Variants in UXS1 observed in about 807,000 individuals in gnomAD.
UXS1 encodes the protein UDP-glucuronic acid decarboxylase 1.
UXS1 carries 33 observed loss-of-function variants against 62.6 expected under a neutral mutation model. That is an observed-to-expected ratio of 0.53 (90% confidence interval 0.40 to 0.70). UXS1 has a LOEUF of 0.70. UXS1 is among the 30% of genes least tolerant of loss of function. The pLI, the probability that UXS1 is intolerant of heterozygous loss-of-function variation, is 0.00. For synonymous variants in UXS1, 213 were observed against 206.8 expected, an observed-to-expected ratio of 1.03 and a Z score of -0.26; for missense variants, 434 against 556.3, an observed-to-expected ratio of 0.78 and a Z score of 2.21.
intron 1 of UXS1, among the ~76,000 whole-genome samples, chr2:106,168,426 A>G (rs755314755): frequency 2.8e-4 from 42 of 152,232 alleles, no homozygotes; most frequent in Non-Finnish European, 4.4e-4. Context: ...ATGGGCAATC[A>G]GCAGCCCTCA....
At chr2:106,131,074 C>T (rs905356613) in intron 6 of UXS1, among the ~76,000 whole-genome samples, 15 of 149,736 alleles carry the variant, frequency 1.0e-4, no homozygotes, top group African/African-American at 3.7e-4. Context: ...CGAAGCAGGG[C>T]GAGGCATTGC....
chr2:106,194,299 T>C lies in UXS1; in HGVS notation c.-58A>G, dbSNP rs1361016564. 1.9e-5 allele frequency: 18 copies of C among 964,040 alleles called. No individual in the cohort carries two copies. The highest frequency in any genetic ancestry group is 5.2e-5 in the Admixed American group (1 of 19,368). 59.7% of individuals were successfully genotyped at this position (964,040 alleles called of 1,614,324 possible). ...GCGCGGGGGCCCGCCTGCTGCACAA[T>C]GCGCGGCGGCGGCGGCGGCAGCGGC... On this transcript the variant is annotated 5_prime_UTR_variant, in exon 1 of 15. Coordinates refer to ENST00000283148, the MANE Select transcript of UXS1 (RefSeq NM_001253875.2).
chr2:106,138,318 G>A (rs1250312794), intron 6 of UXS1: 21 of 985,450 alleles, frequency 2.1e-5, no homozygotes, highest in South Asian at 4.7e-5. Context: ...ACAGCTCAGC[G>A]CTGCCTTGTC....
At chr2:106,158,193 G>A in intron 4 of UXS1, 75 bp from the exon 5 acceptor site, 1 of 1,293,866 alleles carries the variant, frequency 7.7e-7, no homozygotes, top group Non-Finnish European at 1.1e-6. Context: ...TACCATCAAA[G>A]CATGTGCCAG....
In UXS1 at chr2:106,163,654, A is replaced by G. The variant is rs1342534613; in HGVS notation, c.230+13T>C. The G allele has an allele frequency of 4.1e-6, 6 of 1,463,856 alleles. No individual in the cohort carries two copies. Among genetic ancestry groups the G allele is most frequent in the African/African-American group, 1.5e-5 (1 of 68,910 alleles). 90.7% of individuals were successfully genotyped at this position (1,463,856 alleles called of 1,614,324 possible). On this transcript the variant is annotated intron_variant, in intron 4 of 14. Transcript: ENST00000283148. ...ATTTTAACTATTGACTTTAAGACAA[A>G]AAGTACACATACCTTTTTTCTAAAT...
chr2:106,180,967 T>A (rs984528604), intron 1 of UXS1, among the ~76,000 whole-genome samples: 1 of 152,254 alleles, frequency 6.6e-6, no homozygotes. Flanking sequence ...GACAATATTT[T>A]ACCTCAAACG....
In UXS1 at chr2:106,166,075, C is replaced by G; in HGVS notation, c.103G>C (p.Gly35Arg). 6.2e-7 allele frequency: 1 copy of G among 1,610,522 alleles called. No individual in the cohort carries two copies. The change falls in exon 2 of 15, where the codon GGC becomes CGC. Residue 35 changes from glycine to arginine, a missense_variant. By Grantham distance (125) the Gly-to-Arg change is moderately radical. This residue lies in a region of UXS1 where 91 missense variants were observed against 71.1 expected (regional missense o/e 1.28). Transcript: ENST00000283148. Reference protein sequence around the residue: ...ALLAYVASVWGNFVNMSFLLN... With the variant: ...ALLAYVASVWRNFVNMSFLLN... ...AATTACCTCATATTAACGAAGTTGC[C>G]CCAAACAGCTGTAAGAGAAAGAAAA... is the stretch of plus-strand genomic sequence containing the variant.
At chr2:106,151,908 T>C (rs759734715) in intron 5 of UXS1, among the ~76,000 whole-genome samples, 24 of 152,138 alleles carry the variant, frequency 1.6e-4, no homozygotes, top group Non-Finnish European at 3.1e-4. Context: ...TTATATGGGG[T>C]AACAGTCTAA....
At chr2:106,191,173 CAA>C (rs1227245472) in intron 1 of UXS1, among the ~76,000 whole-genome samples, 2 of 152,058 alleles carry the variant, frequency 1.3e-5, no homozygotes, top group Non-Finnish European at 2.9e-5. Context: ...GAGTAGGTAA[CAA>C]AGACTTTGGG....
chr2:106,105,200 TAC>T (rs544808744), intron 10 of UXS1, among the ~76,000 whole-genome samples: 93 of 152,292 alleles, frequency 6.1e-4, no homozygotes, highest in African/African-American at 2.2e-3. Context: ...CAAACATTAA[TAC>T]ATGCATTTAA....
chr2:106,148,962 T>C lies in UXS1; in HGVS notation c.292-3592A>G, dbSNP rs796197749. ...TCTTGCTCGCTCTTGTGGGTGCCAA[T>C]AGGCAGCTAAAGTGGTCTAGTTCAA... is the stretch of plus-strand genomic sequence containing the variant. On this transcript the variant is annotated intron_variant, in intron 5 of 14. Coordinates refer to ENST00000283148, the MANE Select transcript of UXS1 (RefSeq NM_001253875.2). 6.6e-5 allele frequency among the ~76,000 whole-genome samples: 10 copies of C among 152,202 alleles called. No homozygotes were observed. The East Asian group carries it at 9.6e-4, about 15-fold the overall frequency.
chr2:106,104,151 C>T (rs946894648), intron 11 of UXS1, among the ~76,000 whole-genome samples: 4 of 152,146 alleles, frequency 2.6e-5, no homozygotes, highest in African/African-American at 9.7e-5. Context: ...ACAGAATTTA[C>T]AATAGCCACA....
At chr2:106,173,389 C>CA (rs1487248004) in intron 1 of UXS1, among the ~76,000 whole-genome samples, 1 of 151,844 alleles carries the variant, frequency 6.6e-6, no homozygotes, top group Non-Finnish European at 1.5e-5. Flanking sequence ...CCTGTCTCTA[C>CA]AAAAAAATAC....
intron 1 of UXS1, among the ~76,000 whole-genome samples, chr2:106,181,865 CTA>C (rs1390154010): frequency 2.0e-5 from 3 of 152,164 alleles, no homozygotes; most frequent in African/African-American, 7.2e-5. Flanking sequence ...ATGTAAAGCT[CTA>C]TTATTTCTTT....
At position 106,145,347 on chromosome 2, in the gene UXS1, C is replaced by A; in HGVS notation, c.315G>T (p.Val105=). The change falls in exon 6 of 15, where the codon GTG becomes GTT. Residue 105 remains valine (V), a synonymous_variant. Transcript: ENST00000283148. ...TGAGTTTGTCAGTTAGATGGGAGCC[C>A]ACGAACCCTGCGCCTCCTGTTATCT... ...RILITGGAGF[V]GSHLTDKLMM... 1 of 1,613,570 alleles carries A rather than the reference C, an allele frequency of 6.2e-7. No individual in the cohort carries two copies. Among genetic ancestry groups the A allele is most frequent in the South Asian group, 1.1e-5 (1 of 90,996 alleles).
chr2:106,145,157 T>A, intron 6 of UXS1, 33 bp downstream of exon 6: 1 of 1,599,900 alleles, frequency 6.3e-7, no homozygotes, highest in Non-Finnish European at 8.5e-7. Flanking sequence ...CCTGCGGAGC[T>A]CTGAATAATA....
intron 1 of UXS1, among the ~76,000 whole-genome samples, chr2:106,171,427 G>C (rs1443325224): frequency 6.6e-6 from 1 of 152,194 alleles, no homozygotes; most frequent in East Asian, 1.9e-4. Flanking sequence ...GGGTTTCAGG[G>C]AGACTAGAGG....
chr2:106,156,961 G>C (rs1483050191), intron 5 of UXS1, among the ~76,000 whole-genome samples: 1 of 152,140 alleles, frequency 6.6e-6, no homozygotes, highest in African/African-American at 2.4e-5. Flanking sequence ...AACAAAACCT[G>C]AAAACATACT....
In UXS1 at chr2:106,103,897, A is replaced by AC. The variant is rs1313853242; in HGVS notation, c.923+896dup. 9.9e-5 allele frequency among the ~76,000 whole-genome samples: 15 copies of AC among 152,204 alleles called. No homozygotes were observed. In the East Asian group the frequency reaches 2.5e-3, roughly 26 times the overall value. On this transcript the variant is annotated intron_variant, in intron 11 of 14. Coordinates refer to ENST00000283148, the MANE Select transcript of UXS1 (RefSeq NM_001253875.2). ...CACGGGACTCCTACCCAGGACCCCT[A>AC]CCTAAGGGTCCTGGGTAGGTACAAT...
Sources: gnomAD v4.1 joint callset for allele counts (sites outside exome capture counted in the v4.1 genomes callset) on GRCh38, gnomAD v4.1.1 for gene constraint, gnomAD v4.1.1 regional missense constraint, MANE v1.5 for transcripts, NCBI Gene and HGNC (gene_info 2026-07-23, HGNC 2026-07-21) for gene names.